The following DDX6 variants were observed in gnomAD, a reference collection of about 807,000 sequenced individuals.
DDX6 encodes the protein DEAD-box helicase 6.
A neutral mutation model predicts 60.6 loss-of-function variants in DDX6; 7 were observed. The observed-to-expected ratio is 0.12, with a 90% CI of 0.07 to 0.22. The LOEUF (loss-of-function observed/expected upper bound fraction) is 0.22. Among genes scored for constraint, DDX6 ranks in the 10% least tolerant of loss-of-function variants. DDX6 has a pLI of 1.00. For synonymous variants in DDX6, 207 were observed against 201.0 expected, an observed-to-expected ratio of 1.03 and a Z score of -0.25; for missense variants, 270 against 589.9, an observed-to-expected ratio of 0.46 and a Z score of 5.62.
Position 118,786,205 on chromosome 11 carries a change from C to T in DDX6, c.47G>A (p.Ser16Asn). The T allele has an allele frequency of 6.2e-7, 1 of 1,613,904 alleles. No homozygotes were observed. The change falls in exon 2 of 14, where the codon AGT (serine) becomes AAT (asparagine). Residue 16 changes from serine to asparagine, a missense_variant. Ser to Asn is a conservative substitution (Grantham distance 46). Coordinates refer to ENST00000534980, the MANE Select transcript of DDX6 (RefSeq NM_004397.6). The stretch of plus-strand genomic sequence containing the variant: ...AGGGCCTCTCAGCTGACCATTTTGA[C>T]TGGACAGACCCATTATAACAGGGTT... Reference protein sequence around the residue: ...TENPVIMGLSSQNGQLRGPVK... With the variant: ...TENPVIMGLSNQNGQLRGPVK...
At chr11:118,780,015 C>T (rs1230310897) in intron 3 of DDX6, among the ~76,000 whole-genome samples, 1 of 141,134 alleles carries the variant, frequency 7.1e-6, no homozygotes, top group Non-Finnish European at 1.5e-5. Context: ...ACTTGGGAGG[C>T]TGAGGCAGGA....
chr11:118,761,271 T>A (rs537605770), intron 7 of DDX6, among the ~76,000 whole-genome samples: 1 of 152,314 alleles, frequency 6.6e-6, no homozygotes, highest in South Asian at 2.1e-4. Flanking sequence ...GTAAAACTAT[T>A]AAAATTTGGA....
chr11:118,757,320 TAA>T (rs531102422), intron 9 of DDX6, 33 bp from the exon 10 acceptor site: 2 of 1,244,764 alleles, frequency 1.6e-6, no homozygotes, highest in Non-Finnish European at 2.2e-6. Context: ...ATGAGAAAAA[TAA>T]AAAAAACCTT....
At chr11:118,781,578 C>T (rs1199275696) in intron 2 of DDX6, among the ~76,000 whole-genome samples, 1 of 152,114 alleles carries the variant, frequency 6.6e-6, no homozygotes, top group Non-Finnish European at 1.5e-5. Context: ...CCTCGGCCTC[C>T]CAAAGTGATA....
At chr11:118,754,200 C>A (rs1555158155) in intron 13 of DDX6, among the ~76,000 whole-genome samples, 1 of 152,226 alleles carries the variant, frequency 6.6e-6, no homozygotes, top group African/African-American at 2.4e-5. Flanking sequence ...GAAGCCAAGG[C>A]AGGAGGACTG....
intron 4 of DDX6, among the ~76,000 whole-genome samples, chr11:118,771,596 T>C (rs782643729): frequency 1.2e-4 from 19 of 152,254 alleles, no homozygotes; most frequent in Non-Finnish European, 2.4e-4. Flanking sequence ...CAAGAGGAAA[T>C]TATGAGGAAC....
chr11:118,757,361 G>C, intron 9 of DDX6, 74 bp from the exon 10 acceptor site: 1 of 711,102 alleles, frequency 1.4e-6, no homozygotes, highest in Non-Finnish European at 2.2e-6. Flanking sequence ...TTGAAAACAC[G>C]AACCAGCAAA....
chr11:118,775,663 C>A (rs1861674043), intron 4 of DDX6, among the ~76,000 whole-genome samples: 1 of 152,094 alleles, frequency 6.6e-6, no homozygotes, highest in South Asian at 2.1e-4. Context: ...CAATAAAAAT[C>A]CTGTGAGGGA....
intron 7 of DDX6, among the ~76,000 whole-genome samples, chr11:118,761,622 CAAAACAAAACAAAA>C (rs1861169100): frequency 1.1e-5 from 1 of 88,592 alleles, no homozygotes; most frequent in Non-Finnish European, 2.4e-5. Context: ...AAAAACAAAA[CAAAACAAAACAAAA>C]AAGAAAAAAC....
chr11:118,781,032 A>C (rs1861881179), intron 3 of DDX6, 89 bp downstream of exon 3: 2 of 874,088 alleles, frequency 2.3e-6, no homozygotes, highest in East Asian at 5.3e-5. Context: ...TATGGTCCTG[A>C]AACCAATTCC....
intron 3 of DDX6, 94 bp from the exon 4 acceptor site, chr11:118,779,830 T>A: frequency 1.1e-6 from 1 of 943,044 alleles, no homozygotes; most frequent in Non-Finnish European, 1.6e-6. Flanking sequence ...AGAAAATTTA[T>A]CTGGGCCAGG....
chr11:118,776,035 T>A (rs1203427403), intron 4 of DDX6, among the ~76,000 whole-genome samples: 2 of 152,106 alleles, frequency 1.3e-5, no homozygotes, highest in Non-Finnish European at 2.9e-5. Flanking sequence ...TCATCCTTAC[T>A]CAGGAGGCTG....
rs1406908489 is a variant in DDX6 at position 118,749,081 on chromosome 11, GTAT to G, written c.*3021_*3023del. ...CCATTCCTATGGGAGAGGCAAAACA[GTAT>G]TTATCCCCATCAGAATATATGGGGA... On this transcript the variant is annotated 3_prime_UTR_variant, in exon 14 of 14. Transcript: ENST00000534980. 1 of 152,098 alleles carries G rather than the reference GTAT, an allele frequency of 6.6e-6. No homozygotes were observed. Among genetic ancestry groups the G allele is most frequent in the Non-Finnish European group, 1.5e-5 (1 of 68,022 alleles). 9.4% of individuals were successfully genotyped at this position (152,098 alleles called of 1,614,324 possible). A position where few individuals can be genotyped will look rare whatever the true frequency, so the allele number is the denominator to read the frequency against.
Position 118,754,844 on chromosome 11 carries a change from A to G in DDX6, c.1320T>C (p.Tyr440=), listed in dbSNP as rs782750709. The change falls in exon 13 of 14, where the codon TAT becomes TAC. Residue 440 remains tyrosine (Y), a synonymous_variant. Transcript: ENST00000534980. ...TACTTTTCAGGTTGAAGCGATCATC[A>G]TATGTGATCAAGTTGATGGCTAAGC... The part of the protein sequence containing the change: ...HLGLAINLIT[Y]DDRFNLKSIE... 7 of 1,612,732 alleles carry G rather than the reference A, an allele frequency of 4.3e-6. No individual in the cohort carries two copies. The highest frequency in any genetic ancestry group is 2.2e-5 in the East Asian group (1 of 44,842).
chr11:118,773,486 G>A (rs1407348989), intron 4 of DDX6, among the ~76,000 whole-genome samples: 2 of 152,076 alleles, frequency 1.3e-5, no homozygotes, highest in Non-Finnish European at 1.5e-5. Flanking sequence ...GTAGGGGAAT[G>A]GCGTGAACCC....
intron 4 of DDX6, among the ~76,000 whole-genome samples, chr11:118,777,775 G>C (rs1861748528): frequency 6.6e-6 from 1 of 151,746 alleles, no homozygotes; most frequent in Admixed American, 6.6e-5. Context: ...TGTAATTCCA[G>C]CTACTGGGGA....
At chr11:118,759,316 C>A (rs368505087) in intron 8 of DDX6, 4 of 158,146 alleles carry the variant, frequency 2.5e-5, no homozygotes, top group Admixed American at 6.4e-5. Flanking sequence ...CCTCGGCCCC[C>A]CAAAGTGCTG....
chr11:118,763,334 C>A (rs932152000), intron 6 of DDX6, 28 bp from the exon 7 acceptor site: 1 of 1,519,142 alleles, frequency 6.6e-7, no homozygotes, highest in African/African-American at 1.4e-5. Flanking sequence ...AACATACATT[C>A]TCATTAATTT....
intron 11 of DDX6, 46 bp from the exon 12 acceptor site, chr11:118,755,549 C>T: frequency 1.9e-6 from 2 of 1,073,890 alleles, no homozygotes; most frequent in Non-Finnish European, 2.8e-6. Flanking sequence ...TTAGAAATGT[C>T]TCTCAGTACA....
Sources: allele counts gnomAD v4.1 joint callset (sites outside exome capture counted in the v4.1 genomes callset), GRCh38; gene constraint gnomAD v4.1.1; transcripts MANE v1.5; gene names NCBI Gene and HGNC (gene_info 2026-07-23, HGNC 2026-07-21).